The following KDM4C variants were observed in gnomAD, a reference collection of about 807,000 sequenced individuals.
KDM4C encodes lysine demethylase 4C, also known as lysine-specific demethylase 4C.
KDM4C carries 81 observed loss-of-function variants against 129.3 expected under a neutral mutation model. That is an observed-to-expected ratio of 0.63 (90% confidence interval 0.52 to 0.75). The LOEUF (loss-of-function observed/expected upper bound fraction) is 0.75, where lower values mean the gene tolerates loss of function less well. Ranked by LOEUF, KDM4C falls within the 30% of genes least tolerant of loss-of-function variation. The pLI is 0.00. For missense variants in KDM4C, 1,457 were observed against 1,304.0 expected (o/e 1.12, Z -1.81); for synonymous variants, 573 against 456.1 (o/e 1.26, Z -3.26).
In KDM4C at chr9:7,126,686, G is replaced by A. The variant is rs181401239; in HGVS notation, c.2611-1380G>A. Reference sequence around the variant, plus strand: ...TTGTTCCATCTACTGGAAAGGTTGAGAATCAAAGATACTCCTCTAATAAGA... The same window carrying A: ...TTGTTCCATCTACTGGAAAGGTTGAAAATCAAAGATACTCCTCTAATAAGA... On this transcript the variant is annotated intron_variant, in intron 18 of 21. Transcript: ENST00000381309. Among the ~76,000 whole-genome samples the A allele has an allele frequency of 1.6e-4, 24 of 152,236 alleles. No individual in the cohort carries two copies. In the East Asian group the frequency reaches 4.6e-3, roughly 29 times the overall value.
At chr9:7,045,055 A>G (rs982579971) in intron 15 of KDM4C, among the ~76,000 whole-genome samples, 4 of 151,994 alleles carry the variant, frequency 2.6e-5, no homozygotes, top group Non-Finnish European at 4.4e-5. Flanking sequence ...GGAAGAGTGA[A>G]TATCTTCTTG....
intron 8 of KDM4C, among the ~76,000 whole-genome samples, chr9:6,924,503 G>A: frequency 6.6e-6 from 1 of 152,136 alleles, no homozygotes; most frequent in Admixed American, 6.5e-5. Context: ...CTTAGTTTGG[G>A]GAATTACACT....
intron 5 of KDM4C, among the ~76,000 whole-genome samples, chr9:6,878,061 A>G (rs1372714904): frequency 6.6e-6 from 1 of 152,226 alleles, no homozygotes; most frequent in East Asian, 1.9e-4. Context: ...ACTTTGAGCA[A>G]GATAATGACT....
In KDM4C at chr9:7,089,771, T is replaced by TAGACTTAAAAAA. The variant is rs1172918670; in HGVS notation, c.2425-13912_2425-13901dup. On this transcript the variant is annotated intron_variant, in intron 17 of 21. Coordinates refer to ENST00000381309, the MANE Select transcript of KDM4C (RefSeq NM_015061.6). Reference sequence around the variant, plus strand: ...GTGGGGGTATGGAAGCACTTTAAATTAGACTTAAAAAAACCCAGAAAAACA... The same window carrying TAGACTTAAAAAA: ...GTGGGGGTATGGAAGCACTTTAAATTAGACTTAAAAAAAGACTTAAAAAAACCCAGAAAAACA... 2.6e-5 allele frequency among the ~76,000 whole-genome samples: 4 copies of TAGACTTAAAAAA among 152,342 alleles called. No individual in the cohort carries two copies. In the East Asian group the frequency reaches 7.7e-4, roughly 29 times the overall value.
At chr9:7,165,673 G>T (rs1844305921) in intron 20 of KDM4C, among the ~76,000 whole-genome samples, 1 of 152,240 alleles carries the variant, frequency 6.6e-6, no homozygotes, top group South Asian at 2.1e-4. Context: ...CGACTAGTTG[G>T]CCGATTCATC....
chr9:6,861,412 A>C (rs1840899595), intron 5 of KDM4C, among the ~76,000 whole-genome samples: 1 of 152,222 alleles, frequency 6.6e-6, no homozygotes, highest in Admixed American at 6.5e-5. Context: ...AGGGATAAAT[A>C]TTACAAAGTC....
At chr9:6,990,924 A>G (rs983373028) in intron 12 of KDM4C, among the ~76,000 whole-genome samples, 1 of 152,176 alleles carries the variant, frequency 6.6e-6, no homozygotes, top group African/African-American at 2.4e-5. Context: ...CTTCAGTAAA[A>G]GTCTATGTGC....
intron 17 of KDM4C, among the ~76,000 whole-genome samples, chr9:7,093,378 AT>A (rs1285399557): frequency 2.0e-5 from 3 of 152,252 alleles, no homozygotes; most frequent in African/African-American, 7.2e-5. Context: ...TATTATAAAA[AT>A]AATAAAATAA....
chr9:6,837,617 A>C (rs574898373), intron 4 of KDM4C, among the ~76,000 whole-genome samples: 11 of 152,226 alleles, frequency 7.2e-5, no homozygotes, highest in African/African-American at 2.6e-4. Flanking sequence ...ATATCTTTTC[A>C]TGTCTTTATC....
At chr9:6,934,506 C>A (rs1171731728) in intron 8 of KDM4C, among the ~76,000 whole-genome samples, 2 of 128,494 alleles carry the variant, frequency 1.6e-5, no homozygotes, top group Non-Finnish European at 3.6e-5. Flanking sequence ...ATAATTTTAT[C>A]TAAAATTAAA....
At chr9:6,872,227 G>A (rs1200047572) in intron 5 of KDM4C, among the ~76,000 whole-genome samples, 2 of 152,202 alleles carry the variant, frequency 1.3e-5, no homozygotes, top group African/African-American at 2.4e-5. Flanking sequence ...CAATAGTCTA[G>A]CTGAAGGCTG....
At chr9:6,887,923 C>T (rs542650873) in intron 6 of KDM4C, 37 bp from the exon 7 acceptor site, 18 of 1,183,950 alleles carry the variant, frequency 1.5e-5, no homozygotes, top group Middle Eastern at 1.9e-4. Context: ...TTCTCTTAAT[C>T]GACACAGTGC....
chr9:7,157,204 G>A (rs1286641595), intron 19 of KDM4C, among the ~76,000 whole-genome samples: 1 of 152,170 alleles, frequency 6.6e-6, no homozygotes, highest in Non-Finnish European at 1.5e-5. Flanking sequence ...CATTGATTTT[G>A]TATCCTGAGA....
intron 1 of KDM4C, among the ~76,000 whole-genome samples, chr9:6,791,387 T>G (rs1184984963): frequency 6.6e-6 from 1 of 152,196 alleles, no homozygotes; most frequent in Non-Finnish European, 1.5e-5. Flanking sequence ...ATTACAGGTG[T>G]GAACTATCAC....
intron 4 of KDM4C, among the ~76,000 whole-genome samples, chr9:6,837,189 C>T (rs958638808): frequency 2.6e-5 from 4 of 152,148 alleles, no homozygotes; most frequent in African/African-American, 9.7e-5. Flanking sequence ...TCCTGAGTAG[C>T]AGGGACCACA....
At chr9:7,011,603 C>T in intron 12 of KDM4C, 95 bp from the exon 13 acceptor site, 3 of 1,165,384 alleles carry the variant, frequency 2.6e-6, no homozygotes, top group Non-Finnish European at 3.8e-6. Flanking sequence ...GCCTTAATAT[C>T]ACAGATTCTG....
At chr9:6,866,998 T>C (rs1842113151) in intron 5 of KDM4C, among the ~76,000 whole-genome samples, 1 of 26,036 alleles carries the variant, frequency 3.8e-5, no homozygotes, top group Non-Finnish European at 7.2e-5. Context: ...TGTGTGTGTG[T>C]GTATATATAT....
At chr9:6,755,505 G>A (rs1033942650), upstream of KDM4C, among the ~76,000 whole-genome samples, 4 of 152,176 alleles carry the variant, frequency 2.6e-5, no homozygotes, top group African/African-American at 2.4e-5. Context: ...CCGATATGGC[G>A]CCACTGCACT....
At chr9:6,765,680 C>A (rs940430080) in intron 1 of KDM4C, among the ~76,000 whole-genome samples, 2 of 152,184 alleles carry the variant, frequency 1.3e-5, no homozygotes, top group African/African-American at 4.8e-5. Context: ...AAAACCAGGA[C>A]ACGCATTGGG....
Sources: gnomAD v4.1 joint callset for allele counts (sites outside exome capture counted in the v4.1 genomes callset) on GRCh38, gnomAD v4.1.1 for gene constraint, MANE v1.5 for transcripts, NCBI Gene and HGNC (gene_info 2026-07-23, HGNC 2026-07-21) for gene names.